Variants in TAOK1 observed in about 807,000 individuals in gnomAD.
TAOK1 encodes the protein serine/threonine-protein kinase TAO1.
TAOK1 carries 21 observed loss-of-function variants against 138.3 expected under a neutral mutation model. That is an observed-to-expected ratio of 0.15 (90% CI 0.11 to 0.22). The LOEUF (loss-of-function observed/expected upper bound fraction) is 0.22. TAOK1 is among the 10% of genes least tolerant of loss of function. TAOK1 has a pLI of 1.00. For synonymous variants in TAOK1, 361 were observed against 398.4 expected, an observed-to-expected ratio of 0.91 and a Z score of 1.12; for missense variants, 651 against 1,227.7, an observed-to-expected ratio of 0.53 and a Z score of 7.02.
At chr17:29,469,949 G>T (rs879931438) in intron 3 of TAOK1, among the ~76,000 whole-genome samples, 3 of 152,026 alleles carry the variant, frequency 2.0e-5, no homozygotes, top group Non-Finnish European at 4.4e-5. Flanking sequence ...ATTTTGCTGT[G>T]TTCTGTTAAG....
Position 29,478,367 on chromosome 17 carries a change from T to C in TAOK1, c.449+20T>C. Reference sequence around the variant, plus strand: ...TCATAGGTAAGTGCTTTGGAAATTATATATTGATAAGTAAATGGCTTGTTG... The same window carrying C: ...TCATAGGTAAGTGCTTTGGAAATTACATATTGATAAGTAAATGGCTTGTTG... On this transcript the variant is annotated intron_variant, in intron 6 of 19. Transcript: ENST00000261716. The C allele has an allele frequency of 2.0e-6, 3 of 1,513,260 alleles. No homozygotes were observed. Among genetic ancestry groups the C allele is most frequent in the Non-Finnish European group, 2.7e-6 (3 of 1,125,086 alleles). The allele number at this position is 1,513,260 out of a possible 1,614,324, so 93.7% of individuals were successfully genotyped here. A position where few individuals can be genotyped will look rare whatever the true frequency, so the allele number is the denominator to read the frequency against.
At chr17:29,418,845 CTGACTATAGTAAGT>C (rs1426646792) in intron 1 of TAOK1, among the ~76,000 whole-genome samples, 3 of 151,406 alleles carry the variant, frequency 2.0e-5, no homozygotes, top group Non-Finnish European at 4.4e-5. Context: ...ATACAGGGGG[CTGACTATAGTAAGT>C]TTTAGCATCA....
chr17:29,460,162 A>C (rs1220751689), intron 2 of TAOK1, among the ~76,000 whole-genome samples: 1 of 152,224 alleles, frequency 6.6e-6, no homozygotes, highest in Non-Finnish European at 1.5e-5. Context: ...AAAACTATAA[A>C]ATTGCATTAT....
rs559920091 is a variant in TAOK1 at position 29,425,288 on chromosome 17, G to T, written c.-94-26167G>T. On this transcript the variant is annotated intron_variant, in intron 1 of 19. Transcript: ENST00000261716. ...GGGTTTTAACATGTTGGCCAGGCTG[G>T]TCTCAAACTCCTGACTTCAAATGAT... Among the ~76,000 whole-genome samples the T allele has an allele frequency of 5.9e-5, 9 of 152,268 alleles. No homozygotes were observed. In the East Asian group the frequency reaches 1.7e-3, roughly 29 times the overall value.
intron 16 of TAOK1, among the ~76,000 whole-genome samples, chr17:29,519,520 G>GAA (rs11380077): frequency 4.0e-5 from 6 of 149,956 alleles, no homozygotes; most frequent in Admixed American, 6.7e-5. Context: ...CTGCATCTCA[G>GAA]AAAAAAAAAG....
At position 29,394,145 on chromosome 17, in the gene TAOK1, T is replaced by A. The variant is rs1904512972; in HGVS notation, c.-95+3121T>A. 2.1e-5 allele frequency among the ~76,000 whole-genome samples: 3 copies of A among 144,766 alleles called. No individual in the cohort carries two copies. The Admixed American group carries it at 2.1e-4, about 10-fold the overall frequency. The allele number at this position is 144,766 out of a possible 152,430, so 95.0% of individuals were successfully genotyped here. ...ATGAGTATGATTTATTTTAATAATT[T>A]GCCAGTTTTTTTTTTTTTTTTTTTT... On this transcript the variant is annotated intron_variant, in intron 1 of 19. Transcript: ENST00000261716.
chr17:29,487,273 A>T (rs1204750088), intron 8 of TAOK1, among the ~76,000 whole-genome samples: 1 of 142,208 alleles, frequency 7.0e-6, no homozygotes, highest in Admixed American at 7.3e-5. Flanking sequence ...AAAAAAAAAA[A>T]AAGTATTAAG....
At chr17:29,408,741 C>G (rs1308726032) in intron 1 of TAOK1, among the ~76,000 whole-genome samples, 1 of 151,040 alleles carries the variant, frequency 6.6e-6, no homozygotes, top group Non-Finnish European at 1.5e-5. Flanking sequence ...GAGATGGAGT[C>G]TCACTGTGTC....
chr17:29,486,238 A>G (rs1567731820), intron 8 of TAOK1, among the ~76,000 whole-genome samples: 1 of 152,148 alleles, frequency 6.6e-6, no homozygotes, highest in Non-Finnish European at 1.5e-5. Flanking sequence ...GCAGTGAGCT[A>G]AGATCGCGCC....
chr17:29,467,019 T>G (rs2030684980), intron 2 of TAOK1, 126 bp from the exon 3 acceptor site: 1 of 529,814 alleles, frequency 1.9e-6, no homozygotes, highest in African/African-American at 1.9e-5. Flanking sequence ...AAAATTTTCT[T>G]TAAAAGTGGT....
intron 2 of TAOK1, among the ~76,000 whole-genome samples, chr17:29,464,533 T>A (rs1483881785): frequency 6.6e-6 from 1 of 152,118 alleles, no homozygotes; most frequent in African/African-American, 2.4e-5. Context: ...GCCATTGAAT[T>A]GTGTACATTA....
At chr17:29,418,944 T>A (rs1345642282) in intron 1 of TAOK1, among the ~76,000 whole-genome samples, 1 of 122,078 alleles carries the variant, frequency 8.2e-6, no homozygotes, top group Non-Finnish European at 1.6e-5. Flanking sequence ...TTTTTTTTTT[T>A]TTTATGTATG....
At chr17:29,442,580 G>A (rs9900280) in intron 1 of TAOK1, among the ~76,000 whole-genome samples, 88,536 of 151,718 alleles carry the variant, frequency 0.58, 26,476 homozygotes, top group East Asian at 0.97. Context: ...TCTGAACAGT[G>A]TTGAATAATA....
At chr17:29,403,004 A>AC (rs947680302) in intron 1 of TAOK1, among the ~76,000 whole-genome samples, 1 of 151,732 alleles carries the variant, frequency 6.6e-6, no homozygotes, top group African/African-American at 2.4e-5. Flanking sequence ...AAAAAAAAAA[A>AC]AACAAAATTA....
intron 1 of TAOK1, among the ~76,000 whole-genome samples, chr17:29,415,512 C>T (rs975488845): frequency 6.6e-6 from 1 of 152,066 alleles, no homozygotes; most frequent in Non-Finnish European, 1.5e-5. Flanking sequence ...CAATTATTTC[C>T]CGTTAAAAAA....
chr17:29,394,150 GTTTTTTTTTTTTTTTTTTTTTT>G (rs58117433), intron 1 of TAOK1, among the ~76,000 whole-genome samples: 2 of 48,246 alleles, frequency 4.1e-5, no homozygotes, highest in Non-Finnish European at 7.2e-5. Context: ...TAATTTGCCA[GTTTTTTTTTTTTTTTTTTTTTT>G]TTTTTTTTTT....
chr17:29,454,704 T>G (rs542714821), intron 2 of TAOK1, among the ~76,000 whole-genome samples: 12 of 148,168 alleles, frequency 8.1e-5, no homozygotes, highest in African/African-American at 9.9e-5. Context: ...TGTTTTTTTG[T>G]TTTTTTTTTG....
At position 29,397,745 on chromosome 17, in the gene TAOK1, A is replaced by G. The variant is rs143943991; in HGVS notation, c.-95+6721A>G. Reference sequence around the variant, plus strand: ...TATGTATATACATATATACACGTATATATACACGTATGTATATATGTATAC... The same window carrying G: ...TATGTATATACATATATACACGTATGTATACACGTATGTATATATGTATAC... On this transcript the variant is annotated intron_variant, in intron 1 of 19. Coordinates refer to ENST00000261716, the MANE Select transcript of TAOK1 (RefSeq NM_020791.4). Among the ~76,000 whole-genome samples, 1,193 of 122,568 alleles carry G rather than the reference A, an allele frequency of 9.7e-3. 17 individuals are homozygous for G. The highest frequency in any genetic ancestry group is 0.035 in the African/African-American group (1,140 of 32,718). The allele number at this position is 122,568 out of a possible 152,430, so 80.4% of individuals were successfully genotyped here.
At chr17:29,531,521 G>A (rs1463322175) in intron 18 of TAOK1, among the ~76,000 whole-genome samples, 1 of 151,950 alleles carries the variant, frequency 6.6e-6, no homozygotes, top group Non-Finnish European at 1.5e-5. Flanking sequence ...CAAGCACTTT[G>A]GAAAGCCTAG....
Sources: gnomAD v4.1 joint callset for allele counts (sites outside exome capture counted in the v4.1 genomes callset) on GRCh38, gnomAD v4.1.1 for gene constraint, MANE v1.5 for transcripts, NCBI Gene and HGNC (gene_info 2026-07-23, HGNC 2026-07-21) for gene names.